Variants in RGS20 observed in about 807,000 individuals in gnomAD.
RGS20 encodes regulator of G protein signaling 20, also known as gz-selective GTPase-activating protein.
RGS20 carries 30 observed loss-of-function variants against 33.6 expected under a neutral mutation model. The observed-to-expected ratio is 0.89, with a 90% CI of 0.67 to 1.21. The LOEUF (loss-of-function observed/expected upper bound fraction) is 1.21. Ranked by LOEUF, RGS20 falls within the 50% of genes most tolerant of loss-of-function variation. The pLI is 0.00. For synonymous variants in RGS20, 208 were observed against 197.9 expected (o/e 1.05, Z -0.43); for missense variants, 472 against 502.4 (o/e 0.94, Z 0.58).
intron 2 of RGS20, among the ~76,000 whole-genome samples, chr8:53,936,087 T>C (rs1354983075): frequency 6.6e-6 from 1 of 152,190 alleles, no homozygotes; most frequent in East Asian, 1.9e-4. Flanking sequence ...TAGGTATTGA[T>C]GGAATGTATC....
rs930687178 is a variant in RGS20 at position 53,948,002 on chromosome 8, CTA to C, written c.743+1262_743+1263del. 6.3e-5 allele frequency among the ~76,000 whole-genome samples: 8 copies of C among 127,620 alleles called. No individual in the cohort carries two copies. In the East Asian group the frequency reaches 6.7e-4, roughly 11 times the overall value. The allele number at this position is 127,620 out of a possible 152,430, so 83.7% of individuals were successfully genotyped here. On this transcript the variant is annotated intron_variant, in intron 4 of 5. Transcript: ENST00000297313. ...AAGATAGTATATATATTTATATATG[CTA>C]TATATATGATAGTATATATACTATA...
intron 3 of RGS20, among the ~76,000 whole-genome samples, chr8:53,944,958 C>G (rs1040072447): frequency 6.6e-6 from 1 of 152,134 alleles, no homozygotes; most frequent in African/African-American, 2.4e-5. Flanking sequence ...AAAAAGACAA[C>G]AGTAACTGTT....
At chr8:53,900,418 A>G (rs987871640) in intron 2 of RGS20, among the ~76,000 whole-genome samples, 2 of 152,186 alleles carry the variant, frequency 1.3e-5, no homozygotes, top group African/African-American at 4.8e-5. Context: ...CTGAGATTAC[A>G]GTTGTGAGCC....
chr8:53,856,365 A>G (rs1811670063), intron 1 of RGS20, among the ~76,000 whole-genome samples: 1 of 152,052 alleles, frequency 6.6e-6, no homozygotes, highest in South Asian at 2.1e-4. Context: ...AAAAACGTCC[A>G]CAATTACCCC....
At chr8:53,885,373 G>A (rs755916039) in intron 2 of RGS20, among the ~76,000 whole-genome samples, 44 of 152,302 alleles carry the variant, frequency 2.9e-4, no homozygotes, top group Admixed American at 1.5e-3. Context: ...CAGCACTTTG[G>A]GAGGCCGAGG....
At chr8:53,919,233 T>C (rs942681511) in intron 2 of RGS20, among the ~76,000 whole-genome samples, 1 of 152,088 alleles carries the variant, frequency 6.6e-6, no homozygotes, top group Admixed American at 6.6e-5. Flanking sequence ...TTAAATTGGG[T>C]TTTCTCTCCT....
At chr8:53,861,791 G>GT (rs1811814066) in intron 1 of RGS20, among the ~76,000 whole-genome samples, 1 of 152,190 alleles carries the variant, frequency 6.6e-6, no homozygotes, top group South Asian at 2.1e-4. Context: ...ATAAAATCCA[G>GT]GTACTATTGC....
chr8:53,875,620 C>T (rs189130476), intron 1 of RGS20, among the ~76,000 whole-genome samples: 1 of 152,246 alleles, frequency 6.6e-6, no homozygotes, highest in African/African-American at 2.4e-5. Flanking sequence ...AAGTAGCTCT[C>T]ATTTCTGGCC....
intron 1 of RGS20, among the ~76,000 whole-genome samples, chr8:53,860,626 C>G (rs1480613974): frequency 6.6e-6 from 1 of 152,160 alleles, no homozygotes; most frequent in Non-Finnish European, 1.5e-5. Flanking sequence ...TCCAAATTCC[C>G]AGGAGAGAGG....
rs1025971737 is a variant in RGS20 at position 53,880,866 on chromosome 8, G to C, written c.510+1264G>C. On this transcript the variant is annotated intron_variant, in intron 2 of 5. Transcript: ENST00000297313. ...GGTAAAAGGAGTGAGGGGGCGGGGA[G>C]GAGGCAGAGCAAGGGGAGGAAGAGG... The C allele has an allele frequency of 4.9e-6, 7 of 1,440,520 alleles. No homozygotes were observed. The African/African-American group carries it at 7.3e-5, about 15-fold the overall frequency. The allele number at this position is 1,440,520 out of a possible 1,614,324, so 89.2% of individuals were successfully genotyped here.
intron 2 of RGS20, among the ~76,000 whole-genome samples, chr8:53,899,983 G>A (rs1812967344): frequency 6.6e-6 from 1 of 152,116 alleles, no homozygotes; most frequent in Non-Finnish European, 1.5e-5. Context: ...CTGCCCTCTA[G>A]TTTTTCTGTT....
intron 2 of RGS20, among the ~76,000 whole-genome samples, chr8:53,896,624 TA>T (rs1812869862): frequency 6.6e-6 from 1 of 152,158 alleles, no homozygotes; most frequent in African/African-American, 2.4e-5. Context: ...GTCTACTCTT[TA>T]AAAAAATTTC....
intron 2 of RGS20, among the ~76,000 whole-genome samples, chr8:53,934,356 G>A (rs971870402): frequency 2.6e-5 from 4 of 152,166 alleles, no homozygotes; most frequent in Non-Finnish European, 4.4e-5. Context: ...CTGTATTTAG[G>A]AGACCCATCT....
In RGS20 at chr8:53,939,604, G is replaced by A. The variant is rs764793661; in HGVS notation, c.539G>A (p.Arg180Gln). The A allele has an allele frequency of 2.0e-5, 32 of 1,603,194 alleles. No homozygotes were observed. The highest frequency in any genetic ancestry group is 1.1e-4 in the East Asian group (5 of 44,386). ...ATGGGATCAGAGCGGATGGAGATGC[G>A]GAAGCGGCAGATGCCCGCCGCCCAG... Residue 180 changes from arginine (R) to glutamine (Q), a missense_variant, in exon 3 of 6, where the codon CGG becomes CAG. Around this residue, in one of 3 missense-constraint regions of RGS20, gnomAD observed 319 missense variants for 283.4 expected, o/e 1.13. Coordinates refer to ENST00000297313, the MANE Select transcript of RGS20 (RefSeq NM_170587.4).
At chr8:53,875,346 C>T (rs966824303) in intron 1 of RGS20, among the ~76,000 whole-genome samples, 3 of 147,924 alleles carry the variant, frequency 2.0e-5, no homozygotes, top group Non-Finnish European at 3.0e-5. Flanking sequence ...GCAGGAGAAT[C>T]GCTTGAACCC....
chr8:53,862,496 G>C (rs1811831174), intron 1 of RGS20, among the ~76,000 whole-genome samples: 1 of 152,164 alleles, frequency 6.6e-6, no homozygotes, highest in Non-Finnish European at 1.5e-5. Context: ...CCTTGGTTCT[G>C]TCTTCACTTC....
chr8:53,857,257 G>T (rs1167537134), intron 1 of RGS20, among the ~76,000 whole-genome samples: 1 of 152,214 alleles, frequency 6.6e-6, no homozygotes, highest in Non-Finnish European at 1.5e-5. Context: ...ATGTTCAGTG[G>T]CTGTCTCCTC....
intron 1 of RGS20, among the ~76,000 whole-genome samples, chr8:53,854,114 G>A (rs1811623506): frequency 1.3e-5 from 2 of 152,002 alleles, no homozygotes; most frequent in South Asian, 2.1e-4. Context: ...ACAACTACAC[G>A]GAGAACTATA....
chr8:53,957,971 G>A (rs1459721568), intron 5 of RGS20, among the ~76,000 whole-genome samples: 3 of 151,852 alleles, frequency 2.0e-5, no homozygotes, highest in African/African-American at 4.8e-5. Flanking sequence ...GAGAAACCCC[G>A]TCTCTACTAA....
Sources: gnomAD v4.1 joint callset for allele counts (sites outside exome capture counted in the v4.1 genomes callset) on GRCh38, gnomAD v4.1.1 for gene constraint, gnomAD v4.1.1 regional missense constraint, MANE v1.5 for transcripts, NCBI Gene and HGNC (gene_info 2026-07-23, HGNC 2026-07-21) for gene names.